Variants in CABIN1 observed in about 807,000 individuals in gnomAD.
CABIN1 encodes calcineurin binding protein 1.
CABIN1 carries 133 observed loss-of-function variants against 227.7 expected under a neutral mutation model. That is an observed-to-expected ratio of 0.58 (90% CI 0.51 to 0.67). CABIN1 has a LOEUF of 0.67. Among genes scored for constraint, CABIN1 ranks in the 30% least tolerant of loss-of-function variants. The probability of loss-of-function intolerance (pLI) is 0.00; values close to 1 mark genes in which losing one functional copy is unlikely to be tolerated. For synonymous variants in CABIN1, 1,086 were observed against 1,155.1 expected (o/e 0.94, Z 1.21); for missense variants, 2,408 against 2,852.5 (o/e 0.84, Z 3.55).
rs371404193 is a variant in CABIN1, at chr22:24,113,908, G to T, written c.4300+160G>T. Among the ~76,000 whole-genome samples the T allele has an allele frequency of 4.0e-4, 61 of 152,330 alleles. No homozygotes were observed. In the East Asian group the frequency reaches 0.011, roughly 27 times the overall value. ...TAGGATGAGAATGGTCCCAGTGCCC[G>T]CCCTGGGGTTGTGAGGGTTGAGTGA... On this transcript the variant is annotated intron_variant, in intron 27 of 36. Transcript: ENST00000263119.
chr22:24,032,615 G>A (rs908927003), intron 1 of CABIN1, among the ~76,000 whole-genome samples: 2 of 152,212 alleles, frequency 1.3e-5, no homozygotes, highest in Admixed American at 1.3e-4. Flanking sequence ...AATGTACAAA[G>A]ACTCCAGTTT....
At chr22:24,175,809 C>A in intron 34 of CABIN1, 1 of 512,038 alleles carries the variant, frequency 2.0e-6, no homozygotes, top group Non-Finnish European at 3.6e-6. Flanking sequence ...GTGATGGGAT[C>A]TTAAGAGAGG....
intron 34 of CABIN1, among the ~76,000 whole-genome samples, chr22:24,174,564 G>A (rs1162212035): frequency 6.6e-6 from 1 of 152,102 alleles, no homozygotes; most frequent in East Asian, 1.9e-4. Context: ...CCTTGTACCA[G>A]TCCCATGCTC....
intron 29 of CABIN1, chr22:24,155,766 T>G: frequency 2.6e-6 from 1 of 382,422 alleles, no homozygotes; most frequent in Admixed American, 4.7e-5. Context: ...CATCCCGGCC[T>G]GCCGCACTCC....
intron 13 of CABIN1, among the ~76,000 whole-genome samples, 157 bp downstream of exon 13, chr22:24,062,182 G>T (rs1018537998): frequency 1.3e-5 from 2 of 152,098 alleles, no homozygotes; most frequent in Non-Finnish European, 2.9e-5. Flanking sequence ...GAAATCTCCT[G>T]GATACTCAAG....
At position 24,128,555 on chromosome 22, in the gene CABIN1, C is replaced by T. The variant is rs143734650; in HGVS notation, c.4633-5747C>T. Among the ~76,000 whole-genome samples, 25 of 152,270 alleles carry T rather than the reference C, an allele frequency of 1.6e-4. 1 individual carries two copies. The East Asian group carries it at 4.8e-3, about 29-fold the overall frequency. The stretch of plus-strand genomic sequence containing the variant: ...AGCAGGTAGCCACACACTCCTCTTC[C>T]TCTGGCCTATAGAACACTACTCCAA... On this transcript the variant is annotated intron_variant, in intron 28 of 36. Transcript: ENST00000263119.
intron 28 of CABIN1, among the ~76,000 whole-genome samples, chr22:24,123,847 T>C (rs2043561517): frequency 6.6e-6 from 1 of 152,254 alleles, no homozygotes; most frequent in Admixed American, 6.5e-5. Flanking sequence ...GCAGTGCCTT[T>C]TTCTTGTTGC....
Position 24,092,065 on chromosome 22 carries a change from T to C in CABIN1, c.3786+222T>C, listed in dbSNP as rs962932583. On this transcript the variant is annotated intron_variant, in intron 24 of 36. Transcript: ENST00000263119. ...TGGGAGAGTGACCATTTTGTTCTTA[T>C]CTCTCAGAAGAAAATTGTCTTTCCT... 4.2e-5 allele frequency: 26 copies of C among 617,058 alleles called. No homozygotes were observed. In the East Asian group the frequency reaches 7.0e-4, roughly 17 times the overall value. The allele number at this position is 617,058 out of a possible 1,614,324, so 38.2% of individuals were successfully genotyped here.
chr22:24,119,803 G>A (rs2147920356), intron 28 of CABIN1, 105 bp downstream of exon 28: 2 of 1,109,420 alleles, frequency 1.8e-6, no homozygotes, highest in South Asian at 1.3e-5. Context: ...CACGGTAGCA[G>A]CACATGGGAG....
chr22:24,084,379 C>T (rs1057181917), intron 20 of CABIN1, among the ~76,000 whole-genome samples, 200 bp from the exon 21 acceptor site: 10 of 151,892 alleles, frequency 6.6e-5, no homozygotes, highest in Non-Finnish European at 1.2e-4. Flanking sequence ...GCTGGGATTA[C>T]AGGCGCTTGC....
At chr22:24,157,662 C>G (rs2045917260) in intron 29 of CABIN1, among the ~76,000 whole-genome samples, 1 of 152,174 alleles carries the variant, frequency 6.6e-6, no homozygotes, top group Non-Finnish European at 1.5e-5. Context: ...CCTTTTCCTC[C>G]AAGCTGTTTC....
chr22:24,167,200 A>G lies in CABIN1; in HGVS notation c.5569A>G (p.Lys1857Glu). The change falls in exon 32 of 37, where the codon AAG (lysine) becomes GAG (glutamate). Residue 1857 changes from lysine to glutamate, a missense_variant. Lys to Glu is a moderately conservative substitution (Grantham distance 56). This residue lies in a region of CABIN1 where 714 missense variants were observed against 773.8 expected (regional missense o/e 0.92). Transcript: ENST00000263119. Reference protein sequence around the residue: ...RKLLEDTESGKTLLLDAYRVW... With the variant: ...RKLLEDTESGETLLLDAYRVW... Reference sequence around the variant, plus strand: ...GCTCCTGGAGGACACAGAGTCAGGCAAGACACTTCTGTTGGATGCCTACCG... The same window carrying G: ...GCTCCTGGAGGACACAGAGTCAGGCGAGACACTTCTGTTGGATGCCTACCG... 1 of 1,612,436 alleles carries G rather than the reference A, an allele frequency of 6.2e-7. No homozygotes were observed. Among genetic ancestry groups the G allele is most frequent in the Non-Finnish European group, 8.5e-7 (1 of 1,179,856 alleles).
At chr22:24,147,352 C>T (rs2045207642) in intron 29 of CABIN1, among the ~76,000 whole-genome samples, 1 of 139,062 alleles carries the variant, frequency 7.2e-6, no homozygotes, top group Non-Finnish European at 1.6e-5. Context: ...TCCCTGCCTC[C>T]CTCCCTCCCT....
intron 29 of CABIN1, among the ~76,000 whole-genome samples, chr22:24,135,975 C>T (rs1463246727): frequency 6.6e-6 from 1 of 152,148 alleles, no homozygotes; most frequent in Non-Finnish European, 1.5e-5. Context: ...TGCCCACCCT[C>T]TCTGTTTTGG....
chr22:24,023,039 T>C (rs1351413431), intron 1 of CABIN1, among the ~76,000 whole-genome samples: 1 of 152,204 alleles, frequency 6.6e-6, no homozygotes, highest in East Asian at 1.9e-4. Flanking sequence ...AAAATTTTTA[T>C]CATACCAAAC....
chr22:24,089,425 C>T (rs1397037129), intron 23 of CABIN1, among the ~76,000 whole-genome samples: 1 of 152,158 alleles, frequency 6.6e-6, no homozygotes, highest in Non-Finnish European at 1.5e-5. Flanking sequence ...CCAGGAAGCT[C>T]AGGTCCTGAA....
Position 24,176,224 on chromosome 22 carries a change from T to C in CABIN1, c.6154T>C (p.Trp2052Arg), listed in dbSNP as rs1390207571. The C allele has an allele frequency of 6.2e-7, 1 of 1,610,134 alleles. No homozygotes were observed. The highest frequency in any genetic ancestry group is 1.3e-5 in the African/African-American group (1 of 74,836). ...AAGTTCCCCGGCAGAGCCACACTGC[T>C]GGCCGGCAGAGGCTGCCCTGGGCAC... The part of the protein sequence containing the change: ...PTSSPAEPHC[W>R]PAEAALGTGA... The change falls in exon 35 of 37, where the codon TGG becomes CGG. Residue 2052 changes from tryptophan to arginine, a missense_variant. By Grantham distance (101) the Trp-to-Arg change is moderately radical. Transcript: ENST00000263119.
intron 31 of CABIN1, 101 bp from the exon 32 acceptor site, chr22:24,166,538 T>G: frequency 7.1e-7 from 1 of 1,413,910 alleles, no homozygotes; most frequent in Non-Finnish European, 1.0e-6. Context: ...CACACAGATG[T>G]CAGGTGGGAG....
Position 24,061,966 on chromosome 22 carries a change from T to C in CABIN1, c.1637T>C (p.Leu546Pro). ...KHIKDMMLMS[L>P]SCMELQLDQW... is the part of the protein sequence containing the mutation. ...CTGCAGGACATGATGCTGATGTCTC[T>C]CTCCTGCATGGAACTCCAGCTGGAC... Residue 546 changes from leucine (L) to proline (P), a missense_variant, in exon 13 of 37, where the codon CTC (leucine) becomes CCC (proline). Transcript: ENST00000263119. 6.2e-7 allele frequency: 1 copy of C among 1,613,970 alleles called. No individual in the cohort carries two copies. Among genetic ancestry groups the C allele is most frequent in the Non-Finnish European group, 8.5e-7 (1 of 1,179,908 alleles).
Sources: gnomAD v4.1 joint callset for allele counts (sites outside exome capture counted in the v4.1 genomes callset) on GRCh38, gnomAD v4.1.1 for gene constraint, gnomAD v4.1.1 regional missense constraint, MANE v1.5 for transcripts, NCBI Gene and HGNC (gene_info 2026-07-23, HGNC 2026-07-21) for gene names.